Variants in SYBU observed in about 807,000 individuals in gnomAD.
SYBU encodes the protein syntabulin.
Under a neutral mutation model 35.9 loss-of-function variants are expected in SYBU, and 21 were observed. The ratio of observed to expected loss-of-function variants is 0.58; its 90% CI spans 0.41 to 0.84. SYBU has a LOEUF of 0.84. SYBU is among the 40% of genes least tolerant of loss of function. The pLI, the probability that SYBU is intolerant of heterozygous loss-of-function variation, is 0.00. For synonymous variants in SYBU, 319 were observed against 324.3 expected (o/e 0.98, Z 0.18); for missense variants, 768 against 848.2 (o/e 0.91, Z 1.17).
chr8:109,683,074 G>A (rs1017737789), upstream of SYBU, among the ~76,000 whole-genome samples: 1 of 152,362 alleles, frequency 6.6e-6, no homozygotes, highest in Non-Finnish European at 1.5e-5. Context: ...TGCTAGGGCA[G>A]AACATTCATG....
At chr8:109,680,224 T>C (rs1468052353) in intron 1 of SYBU, 1 of 152,258 alleles carries the variant, frequency 6.6e-6, no homozygotes, top group African/African-American at 2.4e-5. Flanking sequence ...AAAATTATTA[T>C]ATAATCTGGG....
intron 1 of SYBU, among the ~76,000 whole-genome samples, chr8:109,673,256 T>G (rs1015202210): frequency 6.6e-6 from 1 of 152,090 alleles, no homozygotes; most frequent in South Asian, 2.1e-4. Flanking sequence ...TCCCAGCAAG[T>G]GTGAACAGAC....
intron 3 of SYBU, among the ~76,000 whole-genome samples, chr8:109,616,636 C>CA (rs1811822509): frequency 6.7e-6 from 1 of 149,148 alleles, no homozygotes; most frequent in African/African-American, 2.5e-5. Flanking sequence ...CTGAGGATAA[C>CA]AAAAATAAAA....
At chr8:109,587,876 A>G (rs1823808334) in intron 3 of SYBU, among the ~76,000 whole-genome samples, 1 of 152,214 alleles carries the variant, frequency 6.6e-6, no homozygotes, top group Non-Finnish European at 1.5e-5. Context: ...TGGATTGCAG[A>G]GACTTTGTCT....
At chr8:109,681,620 T>C (rs1817397796), upstream of SYBU, among the ~76,000 whole-genome samples, 1 of 152,158 alleles carries the variant, frequency 6.6e-6, no homozygotes, top group Non-Finnish European at 1.5e-5. Flanking sequence ...AATAATTGGA[T>C]AACAGCATAC....
chr8:109,618,636 C>A (rs1812085156), intron 3 of SYBU, among the ~76,000 whole-genome samples: 1 of 152,172 alleles, frequency 6.6e-6, no homozygotes. Flanking sequence ...ATACACATGT[C>A]ACTATAGGTC....
At chr8:109,632,427 T>C (rs889357519) in intron 2 of SYBU, among the ~76,000 whole-genome samples, 1 of 152,204 alleles carries the variant, frequency 6.6e-6, no homozygotes, top group Non-Finnish European at 1.5e-5. Context: ...AAGTGAGTTG[T>C]CTTGTAGCAA....
In SYBU at chr8:109,691,433, G is replaced by A; in HGVS notation, c.-158C>T. 1.5e-6 allele frequency: 1 copy of A among 671,092 alleles called. No individual in the cohort carries two copies. Among genetic ancestry groups the A allele is most frequent in the Non-Finnish European group, 2.7e-6 (1 of 372,344 alleles). The allele number at this position is 671,092 out of a possible 1,614,324, so 41.6% of individuals were successfully genotyped here. On this transcript the variant is annotated 5_prime_UTR_variant, in exon 1 of 8. Transcript: ENST00000422135. The surrounding 1 kb of genome is among the most constrained non-coding windows in gnomAD (Gnocchi z 4.7). ...GCTGGGCCGGGTGCCGGTGCGGACG[G>A]GACCCCGCGTCGCTGCTGGTTTGCG...
chr8:109,663,523 C>T (rs559544165), intron 1 of SYBU, among the ~76,000 whole-genome samples: 11 of 151,962 alleles, frequency 7.2e-5, no homozygotes, highest in African/African-American at 2.2e-4. Flanking sequence ...GGAAACTGGT[C>T]GGTAAGTGCA....
At chr8:109,623,029 GCGCACA>G (rs935181069) in intron 2 of SYBU, among the ~76,000 whole-genome samples, 6 of 136,094 alleles carry the variant, frequency 4.4e-5, no homozygotes, top group African/African-American at 6.0e-5. Flanking sequence ...GCGTGCGCGC[GCGCACA>G]CACACACACA....
rs1439011457 is a variant in SYBU, at chr8:109,619,112, C to G, written c.230-73G>C. On this transcript the variant is annotated intron_variant, in intron 2 of 6. Coordinates refer to ENST00000276646, the MANE Select transcript of SYBU (RefSeq NM_001099754.2). ...TGATGGTGAGAAGCCATGCGGTGCA[C>G]CACACACACGCACACGTGCACTCGC... 1.5e-5 allele frequency: 18 copies of G among 1,192,024 alleles called. No individual in the cohort carries two copies. The Admixed American group carries it at 3.2e-4, about 21-fold the overall frequency. The allele number at this position is 1,192,024 out of a possible 1,614,324, so 73.8% of individuals were successfully genotyped here. A position where few individuals can be genotyped will look rare whatever the true frequency, so the allele number is the denominator to read the frequency against.
At chr8:109,669,525 T>C (rs1319773024) in intron 1 of SYBU, among the ~76,000 whole-genome samples, 2 of 152,162 alleles carry the variant, frequency 1.3e-5, no homozygotes, top group Admixed American at 1.3e-4. Context: ...TCTGATTTAG[T>C]CCTATGTCAG....
At position 109,691,325 on chromosome 8, in the gene SYBU, G is replaced by A. The variant is rs999989763; in HGVS notation, c.-58+8C>T. 1.0e-5 allele frequency: 7 copies of A among 701,472 alleles called. No homozygotes were observed. The highest frequency in any genetic ancestry group is 1.6e-5 in the Non-Finnish European group (6 of 384,500). 43.5% of individuals were successfully genotyped at this position (701,472 alleles called of 1,614,324 possible). A position where few individuals can be genotyped will look rare whatever the true frequency, so the allele number is the denominator to read the frequency against. On this transcript the variant is annotated splice_region_variant and intron_variant, in intron 1 of 7. Transcript: ENST00000422135. The surrounding 1 kb of genome is among the most constrained non-coding windows in gnomAD (Gnocchi z 4.7). ...ACAGCAGAGACCGCATAGGCGCCCC[G>A]GTCTTACCCTTTCTCGCCCAGAAGG...
chr8:109,647,074 A>G (rs1254183339), upstream of SYBU: 1 of 152,206 alleles, frequency 6.6e-6, no homozygotes, highest in Non-Finnish European at 1.5e-5. Flanking sequence ...CTTCTCCGTG[A>G]AAACTCATTA....
chr8:109,652,704 A>G (rs1816200293), intron 1 of SYBU, among the ~76,000 whole-genome samples: 1 of 152,188 alleles, frequency 6.6e-6, no homozygotes, highest in South Asian at 2.1e-4. Flanking sequence ...TAATGCCTTT[A>G]TTCTAACTCT....
chr8:109,599,458 ATTTC>A (rs1825260736), intron 3 of SYBU, among the ~76,000 whole-genome samples: 2 of 152,296 alleles, frequency 1.3e-5, no homozygotes, highest in African/African-American at 4.8e-5. Flanking sequence ...GCTGATTGAA[ATTTC>A]TTTAAGTCAG....
In SYBU at chr8:109,654,000, A is replaced by G. The variant is rs540694866; in HGVS notation, c.-129+26711T>C. Among the ~76,000 whole-genome samples the G allele has an allele frequency of 2.1e-3, 327 of 152,318 alleles. 3 individuals carry two copies. The highest frequency in any genetic ancestry group is 7.4e-3 in the African/African-American group (309 of 41,568). On this transcript the variant is annotated intron_variant, in intron 1 of 5. Coordinates refer to the SYBU transcript ENST00000408889. ...ATCAGAGGAGTTAATAACCATAAAG[A>G]ACATGGAAGAGCACCCTGCACACAC...
At chr8:109,610,051 T>A (rs1810996107) in intron 3 of SYBU, among the ~76,000 whole-genome samples, 1 of 152,098 alleles carries the variant, frequency 6.6e-6, no homozygotes, top group Non-Finnish European at 1.5e-5. Context: ...ACCACTCTTC[T>A]CCTTTCCTAA....
At chr8:109,664,179 G>C (rs915635238) in intron 1 of SYBU, among the ~76,000 whole-genome samples, 2 of 152,114 alleles carry the variant, frequency 1.3e-5, no homozygotes, top group African/African-American at 4.8e-5. Context: ...AAAGAAGTAC[G>C]TACTGATTAA....
Sources: allele counts gnomAD v4.1 joint callset (sites outside exome capture counted in the v4.1 genomes callset), GRCh38; gene constraint gnomAD v4.1.1; non-coding constraint Gnocchi (gnomAD v3.1); transcripts MANE v1.5; gene names NCBI Gene and HGNC (gene_info 2026-07-23, HGNC 2026-07-21).